The following MGAM2 variants were observed in gnomAD, a reference collection of about 807,000 sequenced individuals.
MGAM2 encodes the protein probable maltase-glucoamylase 2.
Under a neutral mutation model 96.1 loss-of-function variants are expected in MGAM2, and 98 were observed. The observed-to-expected ratio is 1.02, with a 90% CI of 0.87 to 1.21. The LOEUF (loss-of-function observed/expected upper bound fraction) is 1.21. Among genes scored for constraint, MGAM2 ranks in the 50% most tolerant of loss-of-function variants. The pLI is 0.00. For synonymous variants in MGAM2, 749 were observed against 414.8 expected (o/e 1.81, Z -9.79); for missense variants, 2,055 against 1,182.4 (o/e 1.74, Z -10.82).
At position 142,157,998 on chromosome 7, in the gene MGAM2, T is replaced by C. The variant is rs1795784914; in HGVS notation, c.1985T>C (p.Leu662Pro). The C allele has an allele frequency of 1.4e-6, 1 of 702,920 alleles. No individual in the cohort carries two copies. The highest frequency in any genetic ancestry group is 2.6e-6 in the Non-Finnish European group (1 of 385,008). The allele number at this position is 702,920 out of a possible 1,614,324, so 43.5% of individuals were successfully genotyped here. A position where few individuals can be genotyped will look rare whatever the true frequency, so the allele number is the denominator to read the frequency against. The change falls in exon 18 of 48, where the codon CTG becomes CCG. Residue 662 changes from leucine to proline, a missense_variant. Leu to Pro is a moderately conservative substitution (Grantham distance 98). Transcript: ENST00000477922. The part of the protein sequence containing the change: ...SLLLKSSRHY[L>P]NIRYTLLPYL... ...CTGCTGAAATCCTCCAGACATTATC[T>C]GAACATCCGCTACACCTTGCTGCCC...
chr7:142,139,316 A>T (rs1694878000), intron 10 of MGAM2, among the ~76,000 whole-genome samples: 1 of 152,208 alleles, frequency 6.6e-6, no homozygotes, highest in South Asian at 2.1e-4. Context: ...TGAATTTATC[A>T]AAACAACTTA....
intron 33 of MGAM2, among the ~76,000 whole-genome samples, chr7:142,184,197 T>G (rs567016378): frequency 3.9e-5 from 6 of 152,070 alleles, no homozygotes; most frequent in Non-Finnish European, 8.8e-5. Context: ...GGTCTCGAAC[T>G]CATGACTTCT....
At chr7:142,205,091 G>T (rs1797356244) in intron 45 of MGAM2, among the ~76,000 whole-genome samples, 1 of 152,142 alleles carries the variant, frequency 6.6e-6, no homozygotes, top group South Asian at 2.1e-4. Context: ...AAAGGAGTTA[G>T]TGCCCATGAT....
At chr7:142,114,186 G>GAA (rs1209479790) in intron 1 of MGAM2, among the ~76,000 whole-genome samples, 1 of 132,086 alleles carries the variant, frequency 7.6e-6, no homozygotes, top group Non-Finnish European at 1.6e-5. Flanking sequence ...AAGAAAGAAA[G>GAA]AAAGAAAGAA....
intron 19 of MGAM2, 31 bp downstream of exon 19, chr7:142,158,363 G>A (rs778683633): frequency 1.4e-6 from 1 of 702,536 alleles, no homozygotes; most frequent in Non-Finnish European, 2.6e-6. Flanking sequence ...ATGAAAGGGG[G>A]TATTGCACTT....
chr7:142,122,429 C>T (rs1312575279), intron 3 of MGAM2, among the ~76,000 whole-genome samples: 1 of 152,218 alleles, frequency 6.6e-6, no homozygotes, highest in African/African-American at 2.4e-5. Context: ...TGGCAAATGA[C>T]TACACATGTG....
rs1423576372 is a variant in MGAM2, at chr7:142,222,221, G to A, written c.*162G>A. On this transcript the variant is annotated 3_prime_UTR_variant, in exon 48 of 48. Transcript: ENST00000477922. Reference sequence around the variant, plus strand: ...AGACACAGCTACTCCAAACACTCTCGTCATTGCAGACATGTTTAGGAAGGT... The same window carrying A: ...AGACACAGCTACTCCAAACACTCTCATCATTGCAGACATGTTTAGGAAGGT... The A allele has an allele frequency of 5.1e-6, 2 of 393,378 alleles. No homozygotes were observed. Among genetic ancestry groups the A allele is most frequent in the East Asian group, 3.6e-5 (1 of 27,904 alleles). The allele number at this position is 393,378 out of a possible 1,614,324, so 24.4% of individuals were successfully genotyped here.
At chr7:142,219,717 C>A (rs1021758022) in intron 47 of MGAM2, among the ~76,000 whole-genome samples, 153 bp from the exon 48 acceptor site, 1 of 152,130 alleles carries the variant, frequency 6.6e-6, no homozygotes, top group Admixed American at 6.6e-5. Context: ...TGACCAAAAT[C>A]AACATGACCT....
intron 44 of MGAM2, among the ~76,000 whole-genome samples, chr7:142,199,381 A>AGAGAGATCCTGGTCGATTAAAGAAC (rs1797147877): frequency 6.6e-6 from 1 of 152,214 alleles, no homozygotes; most frequent in African/African-American, 2.4e-5. Context: ...CAAAGGGGAA[A>AGAGAGATCCTGGTCGATTAAAGAAC]GAGAGATCCT....
intron 46 of MGAM2, among the ~76,000 whole-genome samples, chr7:142,209,132 G>A (rs1797501085): frequency 1.3e-5 from 2 of 152,088 alleles, no homozygotes; most frequent in Admixed American, 6.5e-5. Context: ...AATCTTGGCT[G>A]TATTCACATA....
chr7:142,118,489 G>A (rs184778584), intron 2 of MGAM2, among the ~76,000 whole-genome samples: 525 of 152,254 alleles, frequency 3.4e-3, no homozygotes, highest in Middle Eastern at 0.01. Context: ...AATACCCACG[G>A]TAACTGTTTC....
chr7:142,195,593 G>A, intron 37 of MGAM2, among the ~76,000 whole-genome samples: 1 of 150,880 alleles, frequency 6.6e-6, no homozygotes, highest in Non-Finnish European at 1.5e-5. Flanking sequence ...CTGACCTCAA[G>A]TGATCCACCC....
chr7:142,221,372 T>G lies in MGAM2; in HGVS notation c.6861T>G (p.Pro2287=), dbSNP rs1797922192. The change falls in exon 48 of 48, where the codon CCT becomes CCG. Residue 2287 remains proline (P), a synonymous_variant. Coordinates refer to ENST00000477922, the MANE Select transcript of MGAM2 (RefSeq NM_001293626.2). ...CTACTACAAGTAATAATACTAATCC[T>G]GGCATGACTACTTATTACCAGACTT... ...DATTTSNNTN[P]GMTTYYQTSP... is the part of the protein sequence containing the mutation. 3.3e-6 allele frequency: 2 copies of G among 611,634 alleles called. No homozygotes were observed. The highest frequency in any genetic ancestry group is 5.8e-6 in the Non-Finnish European group (2 of 343,292). 37.9% of individuals were successfully genotyped at this position (611,634 alleles called of 1,614,324 possible).
intron 44 of MGAM2, 53 bp downstream of exon 44, chr7:142,198,792 GC>G (rs1797133789): frequency 1.5e-6 from 1 of 668,118 alleles, no homozygotes; most frequent in East Asian, 2.7e-5. Flanking sequence ...TAATGAGGAA[GC>G]CTTACAGGAG....
intron 46 of MGAM2, among the ~76,000 whole-genome samples, chr7:142,216,489 G>A (rs1363439407): frequency 6.6e-6 from 1 of 152,144 alleles, no homozygotes; most frequent in South Asian, 2.1e-4. Flanking sequence ...TGAAATGAAA[G>A]AAAGATCGCA....
At chr7:142,113,008 A>G (rs1817225948) in intron 1 of MGAM2, among the ~76,000 whole-genome samples, 1 of 152,168 alleles carries the variant, frequency 6.6e-6, no homozygotes, top group African/African-American at 2.4e-5. Context: ...CCTTACCTCT[A>G]TTTCAATATT....
chr7:142,115,668 A>G (rs1442788797), intron 1 of MGAM2, among the ~76,000 whole-genome samples: 1 of 152,112 alleles, frequency 6.6e-6, no homozygotes, highest in Admixed American at 6.5e-5. Context: ...CAACATGAAG[A>G]AACCTTGTCT....
At chr7:142,185,860 G>A in intron 34 of MGAM2, 129 bp from the exon 35 acceptor site, 1 of 545,802 alleles carries the variant, frequency 1.8e-6, no homozygotes, top group Non-Finnish European at 3.3e-6. Context: ...TGTAAACTCT[G>A]CAACAGCAGC....
At chr7:142,116,777 T>G in intron 1 of MGAM2, 97 bp from the exon 2 acceptor site, 4 of 676,368 alleles carry the variant, frequency 5.9e-6, no homozygotes, top group Non-Finnish European at 1.1e-5. Context: ...AAGGTCATCT[T>G]GCAAACAATT....
Sources: allele counts gnomAD v4.1 joint callset (sites outside exome capture counted in the v4.1 genomes callset), GRCh38; gene constraint gnomAD v4.1.1; transcripts MANE v1.5; gene names NCBI Gene and HGNC (gene_info 2026-07-23, HGNC 2026-07-21).